The following ARL15 variants were observed in gnomAD, a reference collection of about 807,000 sequenced individuals.
The protein encoded by ARL15 is ARF like GTPase 15.
A neutral mutation model predicts 25.2 loss-of-function variants in ARL15; 19 were observed. The ratio of observed to expected loss-of-function variants is 0.75; its 90% confidence interval spans 0.53 to 1.10. The LOEUF is 1.10. ARL15 is among the 50% of genes least tolerant of loss of function. The pLI is 0.00. For synonymous variants in ARL15, 94 were observed against 86.8 expected (o/e 1.08, Z -0.46); for missense variants, 220 against 246.0 (o/e 0.89, Z 0.71).
intron 3 of ARL15, among the ~76,000 whole-genome samples, chr5:54,146,697 C>T (rs1358726109): frequency 1.3e-5 from 2 of 152,010 alleles, no homozygotes; most frequent in South Asian, 4.2e-4. Context: ...CCTGATGGCC[C>T]CTGAAGAGGA....
intron 1 of ARL15, among the ~76,000 whole-genome samples, chr5:54,241,596 A>G (rs1756958838): frequency 6.6e-6 from 1 of 152,208 alleles, no homozygotes; most frequent in Admixed American, 6.5e-5. Context: ...CTTCTTAAGT[A>G]GAATACATTC....
chr5:53,944,444 CTACAAAAAA>C (rs1746652668), intron 4 of ARL15, among the ~76,000 whole-genome samples: 1 of 151,944 alleles, frequency 6.6e-6, no homozygotes. Context: ...AACTTCATCT[CTACAAAAAA>C]TACAAAAAAT....
chr5:54,234,909 A>G (rs544016942), intron 1 of ARL15, among the ~76,000 whole-genome samples: 1 of 152,342 alleles, frequency 6.6e-6, no homozygotes, highest in South Asian at 2.1e-4. Flanking sequence ...GAGCTAAGAA[A>G]ATGTGAAACC....
chr5:54,286,763 G>A (rs1322892081), intron 1 of ARL15, among the ~76,000 whole-genome samples: 1 of 151,878 alleles, frequency 6.6e-6, no homozygotes, highest in East Asian at 1.9e-4. Context: ...GTAAAATAAT[G>A]AGTACCACTT....
rs371181914 is a variant in ARL15 at position 54,113,357 on chromosome 5, C to A, written c.307G>T (p.Val103Leu). ...WSRYYQGSQG[V>L]IFVLDSASSE... ...GAGGCACTGTCTAATACAAATATTACCCCTTGAGATCCTTGGTAGTAGCGG... is the reference window on the plus strand; with the variant it reads ...GAGGCACTGTCTAATACAAATATTAACCCTTGAGATCCTTGGTAGTAGCGG... Residue 103 changes from valine to leucine, a missense_variant, in exon 4 of 5, where the codon GTA becomes TTA. Physicochemically the swap from Val to Leu is conservative, Grantham distance 32. Transcript: ENST00000504924. 99 of 1,613,864 alleles carry A rather than the reference C, an allele frequency of 6.1e-5. No individual in the cohort carries two copies. Among genetic ancestry groups the A allele is most frequent in the Non-Finnish European group, 8.1e-5 (96 of 1,179,866 alleles).
intron 4 of ARL15, among the ~76,000 whole-genome samples, chr5:54,066,232 AG>A (rs1183973198): frequency 6.6e-6 from 1 of 152,200 alleles, no homozygotes; most frequent in Non-Finnish European, 1.5e-5. Context: ...GAAAGGCCTA[AG>A]CCCCCATTTG....
intron 4 of ARL15, among the ~76,000 whole-genome samples, chr5:54,096,020 G>T (rs893619850): frequency 2.0e-5 from 3 of 152,124 alleles, no homozygotes; most frequent in Non-Finnish European, 4.4e-5. Context: ...TTAGAAGTTG[G>T]ATCTTGCATA....
chr5:54,069,641 CTT>C (rs1239458589), intron 4 of ARL15, among the ~76,000 whole-genome samples: 1 of 146,596 alleles, frequency 6.8e-6, no homozygotes, highest in Admixed American at 6.8e-5. Flanking sequence ...ATAGGGAAGA[CTT>C]TTTTTTATTT....
chr5:54,223,679 C>A (rs1218472626), intron 1 of ARL15, among the ~76,000 whole-genome samples: 1 of 152,010 alleles, frequency 6.6e-6, no homozygotes, highest in Non-Finnish European at 1.5e-5. Flanking sequence ...GAAAATAGAT[C>A]CAAATAGCAT....
chr5:54,196,614 A>G (rs1005598591), intron 1 of ARL15, among the ~76,000 whole-genome samples: 1 of 152,158 alleles, frequency 6.6e-6, no homozygotes, highest in Non-Finnish European at 1.5e-5. Context: ...CTTACCTTAA[A>G]AAATTATTAA....
chr5:54,249,767 G>T (rs191046325), intron 1 of ARL15, among the ~76,000 whole-genome samples: 4 of 151,412 alleles, frequency 2.6e-5, no homozygotes, highest in Non-Finnish European at 5.9e-5. Context: ...CCTAAGGCAC[G>T]ACAGAGGAGC....
intron 1 of ARL15, among the ~76,000 whole-genome samples, chr5:54,239,975 C>T (rs1172278651): frequency 6.6e-6 from 1 of 152,140 alleles, no homozygotes; most frequent in Non-Finnish European, 1.5e-5. Context: ...GGCCTGTAAT[C>T]CCAGCACTTT....
intron 1 of ARL15, among the ~76,000 whole-genome samples, chr5:54,174,362 T>C (rs1754804488): frequency 6.6e-6 from 1 of 152,216 alleles, no homozygotes; most frequent in South Asian, 2.1e-4. Flanking sequence ...GTTAGCCTAG[T>C]TCCCAAAAGA....
chr5:54,297,729 C>T (rs1758502864), intron 1 of ARL15, among the ~76,000 whole-genome samples: 1 of 152,352 alleles, frequency 6.6e-6, no homozygotes, highest in African/African-American at 2.4e-5. Flanking sequence ...TGACTTGTTA[C>T]TCCATACAAC....
intron 4 of ARL15, among the ~76,000 whole-genome samples, chr5:53,978,979 A>C (rs1284796200): frequency 6.6e-6 from 1 of 152,198 alleles, no homozygotes; most frequent in Non-Finnish European, 1.5e-5. Context: ...GTAGAATATT[A>C]ACTTCCAGAA....
intron 4 of ARL15, among the ~76,000 whole-genome samples, chr5:53,978,712 T>C (rs985716072): frequency 3.3e-5 from 5 of 151,280 alleles, no homozygotes; most frequent in African/African-American, 7.3e-5. Context: ...CTGAGAAACG[T>C]TCATATAAGA....
At position 54,086,356 on chromosome 5, in the gene ARL15, G is replaced by A. The variant is rs79866529; in HGVS notation, c.462+26846C>T. The stretch of plus-strand genomic sequence containing the variant: ...CTTATTAGTTCTATAGCTCTATAAA[G>A]GCAAATAGCCTCATCCTGCTCATAG... On this transcript the variant is annotated intron_variant, in intron 4 of 4. Coordinates refer to ENST00000504924, the MANE Select transcript of ARL15 (RefSeq NM_019087.3). 7.7e-3 allele frequency among the ~76,000 whole-genome samples: 1,166 copies of A among 152,108 alleles called. 29 individuals carry two copies. The highest frequency in any genetic ancestry group is 0.07 in the East Asian group (364 of 5,170).
At chr5:54,299,162 A>G (rs964403933) in intron 1 of ARL15, among the ~76,000 whole-genome samples, 1 of 152,094 alleles carries the variant, frequency 6.6e-6, no homozygotes, top group African/African-American at 2.4e-5. Flanking sequence ...TTGGCCTCCA[A>G]AAGTGCTGAG....
intron 1 of ARL15, among the ~76,000 whole-genome samples, chr5:54,204,461 C>T (rs1755809343): frequency 6.6e-6 from 1 of 152,116 alleles, no homozygotes; most frequent in Admixed American, 6.6e-5. Flanking sequence ...TTGGCAGATG[C>T]ACACTGCTTC....
Sources: gnomAD v4.1 joint callset for allele counts (sites outside exome capture counted in the v4.1 genomes callset) on GRCh38, gnomAD v4.1.1 for gene constraint, MANE v1.5 for transcripts, NCBI Gene and HGNC (gene_info 2026-07-23, HGNC 2026-07-21) for gene names.